Variants in PPP3CA observed in about 807,000 individuals in gnomAD.
PPP3CA encodes the protein protein phosphatase 3 catalytic subunit alpha.
PPP3CA carries 14 observed loss-of-function variants against 66.5 expected under a neutral mutation model. The ratio of observed to expected loss-of-function variants is 0.21; its 90% CI spans 0.14 to 0.33. The LOEUF is 0.33. Among genes scored for constraint, PPP3CA ranks in the 10% least tolerant of loss-of-function variants. The pLI, the probability that PPP3CA is intolerant of heterozygous loss-of-function variation, is 1.00. For missense variants in PPP3CA, 317 were observed against 639.5 expected, an observed-to-expected ratio of 0.50 and a Z score of 5.44; for synonymous variants, 232 against 226.2, an observed-to-expected ratio of 1.03 and a Z score of -0.23.
rs1223033038 is a variant in PPP3CA, at chr4:101,204,411, C to T, written c.59-8295G>A. Among the ~76,000 whole-genome samples the T allele has an allele frequency of 5.9e-5, 9 of 152,080 alleles. No homozygotes were observed. The South Asian group carries it at 6.2e-4, about 11-fold the overall frequency. On this transcript the variant is annotated intron_variant, in intron 1 of 13. Transcript: ENST00000394854. ...CAGCACTTTGGGAGGCCCAAGCGGG[C>T]GGATCACGAGGTCAGGAGATCAAGA...
intron 1 of PPP3CA, among the ~76,000 whole-genome samples, chr4:101,278,149 T>TAAAAAAAAAAAAAAAAAAAAAAAAAAAAA (rs1200528599): frequency 3.3e-5 from 4 of 119,518 alleles, no homozygotes; most frequent in African/African-American, 1.5e-4. Context: ...ATAAAAAAAT[T>TAAAAAAAAAAAAAAAAAAAAAAAAAAAAA]AAAAAGTTAT....
intron 3 of PPP3CA, among the ~76,000 whole-genome samples, chr4:101,106,396 A>G (rs150985948): frequency 0.52 from 21,458 of 41,292 alleles, 3,929 homozygotes; most frequent in South Asian, 0.58. Flanking sequence ...AAAGAAAGAA[A>G]GAAAGAAAGA....
At chr4:101,181,656 T>C (rs1484374258) in intron 2 of PPP3CA, among the ~76,000 whole-genome samples, 1 of 151,978 alleles carries the variant, frequency 6.6e-6, no homozygotes, top group Non-Finnish European at 1.5e-5. Context: ...AAAATCACAT[T>C]TGACATAAAA....
At chr4:101,144,626 G>A (rs1722913398) in intron 2 of PPP3CA, among the ~76,000 whole-genome samples, 1 of 152,090 alleles carries the variant, frequency 6.6e-6, no homozygotes, top group South Asian at 2.1e-4. Context: ...ACTGATTTCA[G>A]TCTGTCTCCC....
chr4:101,178,921 A>T (rs1724149150), intron 2 of PPP3CA, among the ~76,000 whole-genome samples: 1 of 151,994 alleles, frequency 6.6e-6, no homozygotes, highest in Non-Finnish European at 1.5e-5. Context: ...CATCTTCAAA[A>T]CTAGCATTCC....
chr4:101,221,988 A>C (rs1725640390), intron 1 of PPP3CA, among the ~76,000 whole-genome samples: 1 of 151,630 alleles, frequency 6.6e-6, no homozygotes, highest in Non-Finnish European at 1.5e-5. Flanking sequence ...GATATCTAAC[A>C]AATATTTAAC....
At chr4:101,033,024 A>G (rs1176047318) in intron 11 of PPP3CA, among the ~76,000 whole-genome samples, 1 of 152,028 alleles carries the variant, frequency 6.6e-6, no homozygotes, top group East Asian at 1.9e-4. Context: ...CAGCATGACA[A>G]TTGTTTTACA....
intron 10 of PPP3CA, among the ~76,000 whole-genome samples, chr4:101,059,705 A>G (rs1398581962): frequency 1.3e-5 from 2 of 152,038 alleles, no homozygotes; most frequent in Non-Finnish European, 2.9e-5. Context: ...TATCCATTTA[A>G]ACTCACCATA....
chr4:101,067,053 AC>A (rs1728712597), intron 8 of PPP3CA, among the ~76,000 whole-genome samples: 1 of 152,170 alleles, frequency 6.6e-6, no homozygotes, highest in Non-Finnish European at 1.5e-5. Flanking sequence ...ACTGTGACAT[AC>A]ATGCAGGCCT....
chr4:101,198,036 T>G (rs946554475), intron 1 of PPP3CA, among the ~76,000 whole-genome samples: 1 of 152,190 alleles, frequency 6.6e-6, no homozygotes, highest in Non-Finnish European at 1.5e-5. Flanking sequence ...AAAAGTTATT[T>G]TGAGTAGCTT....
chr4:101,286,182 G>T (rs1234798735), intron 1 of PPP3CA, among the ~76,000 whole-genome samples: 1 of 152,180 alleles, frequency 6.6e-6, no homozygotes, highest in Admixed American at 6.5e-5. Flanking sequence ...CTGCTGATCT[G>T]ACAGAAGGCA....
chr4:101,106,458 A>AGAAAGAAAGAAAGAGAGAAAGAAG (rs1560605216), intron 3 of PPP3CA, among the ~76,000 whole-genome samples: 1 of 32,676 alleles, frequency 3.1e-5, no homozygotes, highest in Non-Finnish European at 5.8e-5. Flanking sequence ...AGAAAGAGAA[A>AGAAAGAAAGAAAGAGAGAAAGAAG]AGAAAAGAAA....
chr4:101,297,052 C>T (rs940969209), intron 1 of PPP3CA, among the ~76,000 whole-genome samples: 9 of 152,108 alleles, frequency 5.9e-5, no homozygotes, highest in African/African-American at 2.2e-4. Flanking sequence ...AAACTCCTAT[C>T]AAAATACCAT....
chr4:101,131,277 T>TAAATAAATAAATAAATAAATAAAA (rs1553927201), intron 2 of PPP3CA, among the ~76,000 whole-genome samples: 1 of 140,264 alleles, frequency 7.1e-6, no homozygotes, highest in African/African-American at 2.7e-5. Context: ...AATAAATAAA[T>TAAATAAATAAATAAATAAATAAAA]AAAATAAAAA....
intron 1 of PPP3CA, among the ~76,000 whole-genome samples, chr4:101,329,483 G>A (rs1729311299): frequency 1.3e-5 from 2 of 152,136 alleles, no homozygotes; most frequent in African/African-American, 2.4e-5. Context: ...TTATCCAGGA[G>A]ACCTTGCTTA....
intron 1 of PPP3CA, among the ~76,000 whole-genome samples, chr4:101,321,956 T>C (rs1234843093): frequency 6.6e-6 from 1 of 152,196 alleles, no homozygotes; most frequent in Non-Finnish European, 1.5e-5. Flanking sequence ...CTACAGAAGG[T>C]TGGCCCTTTC....
At chr4:101,144,534 C>A (rs1487554607) in intron 2 of PPP3CA, among the ~76,000 whole-genome samples, 3 of 152,100 alleles carry the variant, frequency 2.0e-5, no homozygotes, top group Non-Finnish European at 4.4e-5. Context: ...TTGATCTGTA[C>A]CCACAAAGTT....
intron 1 of PPP3CA, among the ~76,000 whole-genome samples, chr4:101,238,154 T>G (rs948628240): frequency 3.3e-5 from 5 of 152,052 alleles, no homozygotes; most frequent in African/African-American, 9.7e-5. Context: ...AAACCTTCTT[T>G]TTAAAGAAAA....
chr4:101,216,700 T>C (rs763721040), intron 1 of PPP3CA, among the ~76,000 whole-genome samples: 2 of 151,940 alleles, frequency 1.3e-5, no homozygotes, highest in Non-Finnish European at 2.9e-5. Context: ...ACCAGATCCA[T>C]TTATTTTTTA....
Sources: gnomAD v4.1 joint callset for allele counts (sites outside exome capture counted in the v4.1 genomes callset) on GRCh38, gnomAD v4.1.1 for gene constraint, MANE v1.5 for transcripts, NCBI Gene and HGNC (gene_info 2026-07-23, HGNC 2026-07-21) for gene names.